LHFPL3: variants seen among roughly 807,000 people sequenced by gnomAD.
The protein encoded by LHFPL3 is LHFPL tetraspan subfamily member 3, also known as LHFPL tetraspan subfamily member 3 protein.
A neutral mutation model predicts 19.3 loss-of-function variants in LHFPL3; 5 were observed. The observed-to-expected ratio is 0.26, with a 90% confidence interval of 0.14 to 0.54. The LOEUF (loss-of-function observed/expected upper bound fraction) is 0.54. Ranked by LOEUF, LHFPL3 falls within the 20% of genes least tolerant of loss-of-function variation. LHFPL3 has a pLI of 0.94. For synonymous variants in LHFPL3, 133 were observed against 126.2 expected, an observed-to-expected ratio of 1.05 and a Z score of -0.36; for missense variants, 249 against 307.4, an observed-to-expected ratio of 0.81 and a Z score of 1.42.
chr7:104,367,339 A>G (rs978422691), intron 1 of LHFPL3, among the ~76,000 whole-genome samples: 11 of 152,188 alleles, frequency 7.2e-5, no homozygotes, highest in African/African-American at 2.4e-4. Context: ...CAGCCCTTGT[A>G]TTTCCAGCTT....
intron 1 of LHFPL3, among the ~76,000 whole-genome samples, chr7:104,641,532 A>C (rs1791833938): frequency 6.6e-6 from 1 of 152,346 alleles, no homozygotes; most frequent in East Asian, 1.9e-4. Flanking sequence ...GAATCAGAAC[A>C]GATTTCTTTT....
chr7:104,707,367 G>A (rs1469638744), intron 1 of LHFPL3, among the ~76,000 whole-genome samples: 1 of 152,178 alleles, frequency 6.6e-6, no homozygotes, highest in East Asian at 1.9e-4. Flanking sequence ...ACCAGGCTTG[G>A]ATACTTACTG....
At chr7:104,388,919 A>G (rs981692881) in intron 1 of LHFPL3, among the ~76,000 whole-genome samples, 1 of 152,302 alleles carries the variant, frequency 6.6e-6, no homozygotes, top group South Asian at 2.1e-4. Context: ...CACAGCTAGC[A>G]TTATCCTAAT....
chr7:104,351,038 TAA>T (rs35688007), intron 1 of LHFPL3, among the ~76,000 whole-genome samples: 97 of 116,158 alleles, frequency 8.4e-4, no homozygotes, highest in Middle Eastern at 4.6e-3. Flanking sequence ...AGACTCCCTC[TAA>T]AAAAAAAAAA....
At chr7:104,733,523 T>C (rs1793743970) in intron 1 of LHFPL3, among the ~76,000 whole-genome samples, 1 of 152,240 alleles carries the variant, frequency 6.6e-6, no homozygotes. Context: ...AAGTCTGTTT[T>C]ATCAGAGACT....
intron 2 of LHFPL3, among the ~76,000 whole-genome samples, chr7:104,838,343 C>G (rs1365003608): frequency 6.6e-6 from 1 of 152,176 alleles, no homozygotes; most frequent in Non-Finnish European, 1.5e-5. Flanking sequence ...TGCTCCTAAC[C>G]CTACATATAC....
chr7:104,898,966 G>T (rs1562829802), intron 2 of LHFPL3, among the ~76,000 whole-genome samples: 1 of 152,024 alleles, frequency 6.6e-6, no homozygotes, highest in Non-Finnish European at 1.5e-5. Flanking sequence ...AGCCAGGCAT[G>T]GTGGTATGCG....
chr7:104,602,020 CTTTTTT>C (rs57501560), intron 1 of LHFPL3, among the ~76,000 whole-genome samples: 11 of 91,456 alleles, frequency 1.2e-4, no homozygotes, highest in South Asian at 4.4e-4. Flanking sequence ...TTTTTCTTTT[CTTTTTT>C]TTTTTTTTTT....
chr7:104,897,221 A>T (rs977217495), intron 2 of LHFPL3, among the ~76,000 whole-genome samples: 1 of 152,204 alleles, frequency 6.6e-6, no homozygotes, highest in Non-Finnish European at 1.5e-5. Flanking sequence ...AACCAGTGTC[A>T]GCCAGCTGGT....
intron 1 of LHFPL3, among the ~76,000 whole-genome samples, chr7:104,405,317 T>A (rs1346586403): frequency 2.6e-5 from 4 of 152,204 alleles, no homozygotes; most frequent in South Asian, 4.1e-4. Context: ...TTCTCCTCCC[T>A]GCTTTTTTAC....
At chr7:104,364,166 A>C (rs1353178652) in intron 1 of LHFPL3, among the ~76,000 whole-genome samples, 1 of 152,234 alleles carries the variant, frequency 6.6e-6, no homozygotes, top group African/African-American at 2.4e-5. Flanking sequence ...AGACAGAAGA[A>C]ACAAACAGGC....
intron 1 of LHFPL3, among the ~76,000 whole-genome samples, chr7:104,520,625 T>G (rs1482528974): frequency 7.0e-6 from 1 of 142,926 alleles, no homozygotes; most frequent in African/African-American, 2.6e-5. Context: ...CAATTTCAGA[T>G]CCTGTTATTG....
At chr7:104,666,523 T>TTTTTTTA (rs1403557647) in intron 1 of LHFPL3, among the ~76,000 whole-genome samples, 4 of 72,808 alleles carry the variant, frequency 5.5e-5, no homozygotes, top group African/African-American at 1.8e-4. Context: ...TTTTTTTTTT[T>TTTTTTTA]TTTTTTTTTT....
At chr7:104,385,734 C>T (rs1162973902) in intron 1 of LHFPL3, among the ~76,000 whole-genome samples, 2 of 152,130 alleles carry the variant, frequency 1.3e-5, no homozygotes, top group African/African-American at 2.4e-5. Context: ...AAGGTAACTG[C>T]ACTTTCTTAT....
intron 2 of LHFPL3, among the ~76,000 whole-genome samples, chr7:104,839,674 A>G (rs1791158856): frequency 6.9e-6 from 1 of 144,624 alleles, no homozygotes; most frequent in Non-Finnish European, 1.5e-5. Context: ...ACCTTAAAAA[A>G]AGAAAAAAAA....
At chr7:104,656,130 A>T (rs1792116323) in intron 1 of LHFPL3, among the ~76,000 whole-genome samples, 1 of 151,794 alleles carries the variant, frequency 6.6e-6, no homozygotes. Flanking sequence ...TTTTTAAAAA[A>T]TTTTTATTCA....
chr7:104,906,019 C>T (rs1437806237), intron 2 of LHFPL3, among the ~76,000 whole-genome samples, 168 bp from the exon 3 acceptor site: 3 of 152,208 alleles, frequency 2.0e-5, no homozygotes, highest in African/African-American at 4.8e-5. Context: ...GAACAGAAAT[C>T]TCAAACTTTC....
At chr7:104,473,898 T>G (rs1792956480) in intron 1 of LHFPL3, among the ~76,000 whole-genome samples, 1 of 152,252 alleles carries the variant, frequency 6.6e-6, no homozygotes, top group African/African-American at 2.4e-5. Context: ...AAACATTTAC[T>G]TGGGGATAAA....
chr7:104,732,931 T>C (rs914226300), intron 1 of LHFPL3, among the ~76,000 whole-genome samples: 1 of 152,252 alleles, frequency 6.6e-6, no homozygotes, highest in Non-Finnish European at 1.5e-5. Context: ...TGTGTCTTTG[T>C]TCTCATTGGT....
Sources: allele counts gnomAD v4.1 joint callset (sites outside exome capture counted in the v4.1 genomes callset), GRCh38; gene constraint gnomAD v4.1.1; transcripts MANE v1.5; gene names NCBI Gene and HGNC (gene_info 2026-07-23, HGNC 2026-07-21).